The following CSMD3 variants were observed in gnomAD, a reference collection of about 807,000 sequenced individuals.
CSMD3 encodes CUB and sushi domain-containing protein 3.
In CSMD3, 177 loss-of-function variants were observed where a neutral mutation model predicts 435.2. The ratio of observed to expected loss-of-function variants is 0.41; its 90% CI spans 0.36 to 0.46. The LOEUF (loss-of-function observed/expected upper bound fraction) is 0.46. CSMD3 is among the 20% of genes least tolerant of loss of function. The probability of loss-of-function intolerance (pLI) is 0.34; values close to 1 mark genes in which losing one functional copy is unlikely to be tolerated. For missense variants in CSMD3, 4,265 were observed against 4,504.6 expected (o/e 0.95, Z 1.52); for synonymous variants, 1,656 against 1,520.5 (o/e 1.09, Z -2.07).
chr8:112,970,413 A>G (rs988205428), intron 7 of CSMD3, among the ~76,000 whole-genome samples: 4 of 150,694 alleles, frequency 2.7e-5, no homozygotes, highest in East Asian at 1.9e-4. Flanking sequence ...AAAAAAAAAA[A>G]AAAGAAAAGA....
intron 5 of CSMD3, among the ~76,000 whole-genome samples, chr8:113,044,663 A>G (rs1045537372): frequency 6.7e-6 from 1 of 149,330 alleles, no homozygotes; most frequent in Non-Finnish European, 1.5e-5. Flanking sequence ...GAACTGGAAT[A>G]TAACTGTGAA....
At chr8:112,656,433 A>AT in intron 17 of CSMD3, 92 bp from the exon 18 acceptor site, 1 of 921,306 alleles carries the variant, frequency 1.1e-6, no homozygotes, top group Non-Finnish European at 1.6e-6. Flanking sequence ...TCCTATTTAA[A>AT]ATTTTTCCAT....
chr8:112,241,177 G>T (rs1056071720), intron 66 of CSMD3, among the ~76,000 whole-genome samples: 1 of 151,892 alleles, frequency 6.6e-6, no homozygotes. Flanking sequence ...TGGAGATTCA[G>T]ATATATAAAA....
intron 13 of CSMD3, among the ~76,000 whole-genome samples, chr8:112,777,295 G>A (rs1457281400): frequency 6.6e-6 from 1 of 151,762 alleles, no homozygotes; most frequent in Non-Finnish European, 1.5e-5. Flanking sequence ...TATGTTTAAT[G>A]TAAATAAATA....
intron 13 of CSMD3, among the ~76,000 whole-genome samples, chr8:112,731,401 G>A (rs909900357): frequency 9.9e-5 from 15 of 152,112 alleles, no homozygotes; most frequent in Non-Finnish European, 1.8e-4. Flanking sequence ...TAAAATCTTG[G>A]TTTCCTACAA....
At chr8:113,203,713 C>G (rs989685383) in intron 3 of CSMD3, among the ~76,000 whole-genome samples, 3 of 152,038 alleles carry the variant, frequency 2.0e-5, no homozygotes, top group African/African-American at 7.2e-5. Context: ...AATCTTTTAA[C>G]ATTTTTTGAC....
intron 7 of CSMD3, among the ~76,000 whole-genome samples, chr8:112,970,395 C>CAAAAAAAAAAA (rs11284034): frequency 1.2e-5 from 1 of 82,196 alleles, no homozygotes; most frequent in Admixed American, 1.3e-4. Flanking sequence ...GACTCCCTCT[C>CAAAAAAAAAAA]AAAAAAAAAA....
intron 45 of CSMD3, among the ~76,000 whole-genome samples, chr8:112,320,312 A>G (rs1822873780): frequency 1.3e-5 from 2 of 151,988 alleles, no homozygotes; most frequent in African/African-American, 2.4e-5. Context: ...CTCTGTGCCT[A>G]TCTTTCCCAA....
chr8:112,913,441 T>A (rs2082484026), intron 10 of CSMD3, among the ~76,000 whole-genome samples: 1 of 151,892 alleles, frequency 6.6e-6, no homozygotes, highest in Admixed American at 6.6e-5. Flanking sequence ...GCCTGGTTCC[T>A]TACAGTCCAC....
intron 1 of CSMD3, among the ~76,000 whole-genome samples, chr8:113,421,107 A>G (rs1351648248): frequency 6.6e-6 from 1 of 152,196 alleles, no homozygotes; most frequent in Non-Finnish European, 1.5e-5. Flanking sequence ...GATAATTTAA[A>G]CAAATATGCT....
intron 3 of CSMD3, among the ~76,000 whole-genome samples, chr8:113,194,317 G>C (rs775289228): frequency 6.6e-6 from 1 of 151,154 alleles, no homozygotes; most frequent in Non-Finnish European, 1.5e-5. Flanking sequence ...TGAAATGATT[G>C]ATCAATTGAT....
chr8:112,791,319 GAAAAAA>G (rs3047119), intron 13 of CSMD3, among the ~76,000 whole-genome samples: 13 of 103,180 alleles, frequency 1.3e-4, no homozygotes, highest in African/African-American at 4.7e-4. Context: ...CATATCCTGT[GAAAAAA>G]AAAAAAAAAA....
intron 25 of CSMD3, 142 bp from the exon 26 acceptor site, chr8:112,552,862 C>G: frequency 1.5e-6 from 1 of 686,416 alleles, no homozygotes; most frequent in Non-Finnish European, 2.4e-6. Context: ...TTTAAAGTAT[C>G]AATTGAAGCA....
chr8:112,928,229 G>A (rs1270198973), intron 9 of CSMD3, among the ~76,000 whole-genome samples: 2 of 152,084 alleles, frequency 1.3e-5, no homozygotes, highest in Non-Finnish European at 2.9e-5. Flanking sequence ...AGAGAGAAAC[G>A]CAAAAGCCCT....
intron 5 of CSMD3, among the ~76,000 whole-genome samples, chr8:113,046,818 C>A (rs940212112): frequency 3.9e-5 from 6 of 152,162 alleles, no homozygotes; most frequent in African/African-American, 1.4e-4. Context: ...GAGACTTCTC[C>A]AGTTCTCACA....
chr8:112,500,363 A>T (rs1251679775), intron 30 of CSMD3, among the ~76,000 whole-genome samples: 1 of 152,208 alleles, frequency 6.6e-6, no homozygotes, highest in Non-Finnish European at 1.5e-5. Flanking sequence ...AAAAAAGCTA[A>T]TCTAAATATA....
chr8:113,378,510 T>G (rs1271084763), intron 1 of CSMD3, among the ~76,000 whole-genome samples: 1 of 152,094 alleles, frequency 6.6e-6, no homozygotes, highest in Non-Finnish European at 1.5e-5. Context: ...TAGATAGTAG[T>G]TTTACGTTAT....
chr8:112,329,647 C>T (rs1042838016), intron 45 of CSMD3, among the ~76,000 whole-genome samples: 9 of 152,064 alleles, frequency 5.9e-5, no homozygotes, highest in African/African-American at 2.2e-4. Context: ...ATAAATCTAA[C>T]TTTGTTTAAC....
At position 113,271,146 on chromosome 8, in the gene CSMD3, A is replaced by C. The variant is rs145192818; in HGVS notation, c.514+7446T>G. Reference sequence around the variant, plus strand: ...TTAAAAGTATTCTGTTTTAAAACGGAAACAGAGCAAAAAAGTTCAGAAAAT... The same window carrying C: ...TTAAAAGTATTCTGTTTTAAAACGGCAACAGAGCAAAAAAGTTCAGAAAAT... On this transcript the variant is annotated intron_variant, in intron 3 of 70. Transcript: ENST00000297405. Among the ~76,000 whole-genome samples, 463 of 152,252 alleles carry C rather than the reference A, an allele frequency of 3.0e-3. 2 individuals carry two copies. The highest frequency in any genetic ancestry group is 9.4e-3 in the African/African-American group (391 of 41,552).
Sources: allele counts gnomAD v4.1 joint callset (sites outside exome capture counted in the v4.1 genomes callset), GRCh38; gene constraint gnomAD v4.1.1; transcripts MANE v1.5; gene names NCBI Gene and HGNC (gene_info 2026-07-23, HGNC 2026-07-21).